CWC27: variants seen among roughly 807,000 people sequenced by gnomAD.
CWC27 encodes the protein CWC27 spliceosome associated cyclophilin, also known as spliceosome-associated protein CWC27 homolog.
A neutral mutation model predicts 63.6 loss-of-function variants in CWC27; 47 were observed. The observed-to-expected ratio is 0.74, with a 90% CI of 0.58 to 0.94. The LOEUF is 0.94. Among genes scored for constraint, CWC27 ranks in the 40% least tolerant of loss-of-function variants. CWC27 has a pLI of 0.00. For missense variants in CWC27, 495 were observed against 554.3 expected (o/e 0.89, Z 1.07); for synonymous variants, 175 against 179.8 (o/e 0.97, Z 0.22).
intron 11 of CWC27, among the ~76,000 whole-genome samples, chr5:64,919,927 A>G (rs1580726954): frequency 6.6e-6 from 1 of 152,216 alleles, no homozygotes; most frequent in Admixed American, 6.5e-5. Flanking sequence ...TATTTACCCA[A>G]TAGTGGGATT....
chr5:64,948,745 T>G (rs1484169510), intron 11 of CWC27, among the ~76,000 whole-genome samples: 2 of 151,980 alleles, frequency 1.3e-5, no homozygotes, highest in Admixed American at 6.6e-5. Context: ...TAAAATTGAG[T>G]GTGCAGATGA....
At chr5:64,976,393 T>A (rs1272115703) in intron 12 of CWC27, among the ~76,000 whole-genome samples, 2 of 152,176 alleles carry the variant, frequency 1.3e-5, no homozygotes, top group African/African-American at 4.8e-5. Flanking sequence ...TATATTGATA[T>A]TTTTATATTT....
intron 11 of CWC27, among the ~76,000 whole-genome samples, chr5:64,912,735 A>G (rs992138570): frequency 6.6e-6 from 1 of 152,298 alleles, no homozygotes; most frequent in East Asian, 1.9e-4. Context: ...TCAAAATGCT[A>G]TTATAAACAA....
At chr5:64,926,249 T>C (rs932815156) in intron 11 of CWC27, among the ~76,000 whole-genome samples, 26 of 151,926 alleles carry the variant, frequency 1.7e-4, no homozygotes, top group Non-Finnish European at 2.2e-4. Flanking sequence ...TTATGAAATT[T>C]TAAACCCCTA....
intron 11 of CWC27, among the ~76,000 whole-genome samples, chr5:64,942,588 G>A: frequency 6.6e-6 from 1 of 151,934 alleles, no homozygotes; most frequent in East Asian, 1.9e-4. Context: ...CCATAAATTA[G>A]GAATCACAGT....
At chr5:64,980,343 A>G (rs1749311732) in intron 13 of CWC27, among the ~76,000 whole-genome samples, 2 of 152,200 alleles carry the variant, frequency 1.3e-5, no homozygotes, top group African/African-American at 4.8e-5. Context: ...GAATTTGCCC[A>G]GGGATTCATA....
At chr5:64,848,564 T>C (rs1179741206) in intron 10 of CWC27, among the ~76,000 whole-genome samples, 3 of 152,170 alleles carry the variant, frequency 2.0e-5, no homozygotes, top group Non-Finnish European at 2.9e-5. Context: ...ATATTCGTGA[T>C]GAGCATAGAT....
intron 13 of CWC27, among the ~76,000 whole-genome samples, chr5:65,015,694 C>T (rs1580783749): frequency 6.6e-6 from 1 of 152,132 alleles, no homozygotes; most frequent in Admixed American, 6.5e-5. Flanking sequence ...AAGAAAAAGG[C>T]TACCTCTCAA....
At chr5:64,923,089 G>A (rs1371388967) in intron 11 of CWC27, among the ~76,000 whole-genome samples, 1 of 152,192 alleles carries the variant, frequency 6.6e-6, no homozygotes, top group African/African-American at 2.4e-5. Context: ...GGTAGGAGGT[G>A]CTGCAGCAGG....
intron 11 of CWC27, among the ~76,000 whole-genome samples, chr5:64,909,773 C>T (rs921277195): frequency 5.3e-5 from 8 of 151,886 alleles, no homozygotes; most frequent in Non-Finnish European, 1.2e-4. Context: ...CGTGCCAGCT[C>T]CTTCAGGGCA....
At position 64,798,500 on chromosome 5, in the gene CWC27, G is replaced by A. The variant is rs190056087; in HGVS notation, c.670-1748G>A. ...TTTCATCACTCCTTAGTTTAAGTAA[G>A]TTTATGAAATTAGATATATAGATTA... On this transcript the variant is annotated intron_variant, in intron 7 of 13. Coordinates refer to ENST00000381070, the MANE Select transcript of CWC27 (RefSeq NM_005869.4). 2.2e-3 allele frequency among the ~76,000 whole-genome samples: 342 copies of A among 152,240 alleles called. 2 individuals are homozygous for A. The highest frequency in any genetic ancestry group is 4.1e-3 in the Non-Finnish European group (281 of 68,016).
intron 10 of CWC27, among the ~76,000 whole-genome samples, chr5:64,835,301 T>G (rs749058683): frequency 3.0e-4 from 45 of 151,898 alleles, no homozygotes; most frequent in South Asian, 2.1e-3. Context: ...TATTTCTGTG[T>G]AAAGTAAAAG....
At chr5:64,786,781 T>C (rs1021183104) in intron 6 of CWC27, among the ~76,000 whole-genome samples, 154 bp downstream of exon 6, 1 of 152,180 alleles carries the variant, frequency 6.6e-6, no homozygotes, top group African/African-American at 2.4e-5. Context: ...GTTGTATTAG[T>C]TCATTTTTAC....
At position 64,826,695 on chromosome 5, in the gene CWC27, G is replaced by GT. The variant is rs750357983; in HGVS notation, c.938+22316dup. On this transcript the variant is annotated intron_variant, in intron 10 of 13. Coordinates refer to ENST00000381070, the MANE Select transcript of CWC27 (RefSeq NM_005869.4). ...GTTAGTAGTAATTTTTAACTTTGGTGTTTTTTTGTTTTTTTTTTTTGCTAA... is the reference window on the plus strand; with the variant it reads ...GTTAGTAGTAATTTTTAACTTTGGTGTTTTTTTTGTTTTTTTTTTTTGCTAA... Among the ~76,000 whole-genome samples the GT allele has an allele frequency of 4.2e-3, 354 of 84,916 alleles. 5 individuals are homozygous for GT. The highest frequency in any genetic ancestry group is 0.016 in the African/African-American group (338 of 20,792). 55.7% of individuals were successfully genotyped at this position (84,916 alleles called of 152,430 possible).
intron 7 of CWC27, among the ~76,000 whole-genome samples, chr5:64,796,956 C>A (rs568323455): frequency 6.8e-6 from 1 of 146,330 alleles, no homozygotes; most frequent in African/African-American, 2.5e-5. Context: ...CTTCCCCCAC[C>A]CCTTCTCCTC....
At chr5:64,861,407 G>A (rs1746410107) in intron 10 of CWC27, among the ~76,000 whole-genome samples, 1 of 151,802 alleles carries the variant, frequency 6.6e-6, no homozygotes, top group African/African-American at 2.4e-5. Flanking sequence ...TCATGGTCAG[G>A]CCTAGAGTCA....
rs1389303203 is a variant in CWC27 at position 64,791,504 on chromosome 5, A to G, written c.669+2484A>G. On this transcript the variant is annotated intron_variant, in intron 7 of 13. Coordinates refer to ENST00000381070, the MANE Select transcript of CWC27 (RefSeq NM_005869.4). ...GAAAAACACTTTAAATACTTTTAGAAGGACTGAGTAAAATCTTTTCTCTCT... is the reference window on the plus strand; with the variant it reads ...GAAAAACACTTTAAATACTTTTAGAGGGACTGAGTAAAATCTTTTCTCTCT... 2.0e-5 allele frequency among the ~76,000 whole-genome samples: 3 copies of G among 152,046 alleles called. No homozygotes were observed. In the South Asian group the frequency reaches 6.2e-4, roughly 32 times the overall value.
In CWC27 at chr5:64,816,987, A is replaced by G. The variant is rs183900445; in HGVS notation, c.938+12601A>G. On this transcript the variant is annotated intron_variant, in intron 10 of 13. Transcript: ENST00000381070. ...GAGAGAACTTGTTCCTTTTCCCACC[A>G]CCAAATCTACCTATCTGCATCTGAA... 2.2e-4 allele frequency among the ~76,000 whole-genome samples: 33 copies of G among 152,206 alleles called. No homozygotes were observed. The East Asian group carries it at 6.2e-3, about 28-fold the overall frequency.
chr5:65,004,205 A>G (rs1240707482), intron 13 of CWC27, among the ~76,000 whole-genome samples: 1 of 151,514 alleles, frequency 6.6e-6, no homozygotes, highest in Non-Finnish European at 1.5e-5. Context: ...TGTATGTCGC[A>G]CTCCTTGAGC....
Sources: gnomAD v4.1 joint callset for allele counts (sites outside exome capture counted in the v4.1 genomes callset) on GRCh38, gnomAD v4.1.1 for gene constraint, MANE v1.5 for transcripts, NCBI Gene and HGNC (gene_info 2026-07-23, HGNC 2026-07-21) for gene names.